Variants in EGLN2 observed in about 807,000 individuals in gnomAD.
EGLN2 encodes the protein prolyl hydroxylase EGLN2.
A neutral mutation model predicts 38.2 loss-of-function variants in EGLN2; 15 were observed. That is an observed-to-expected ratio of 0.39 (90% CI 0.26 to 0.60). The LOEUF (loss-of-function observed/expected upper bound fraction) is 0.60. EGLN2 is among the 20% of genes least tolerant of loss of function. The probability of loss-of-function intolerance (pLI) is 0.50; values close to 1 mark genes in which losing one functional copy is unlikely to be tolerated. For synonymous variants in EGLN2, 284 were observed against 237.4 expected (o/e 1.20, Z -1.81); for missense variants, 492 against 570.4 (o/e 0.86, Z 1.40).
In EGLN2 at chr19:40,800,907, C is replaced by T. The variant is rs959873173; in HGVS notation, c.335C>T (p.Ala112Val). The T allele has an allele frequency of 1.2e-6, 2 of 1,609,898 alleles. No homozygotes were observed. Among genetic ancestry groups the T allele is most frequent in the Non-Finnish European group, 8.5e-7 (1 of 1,178,566 alleles). The change falls in exon 2 of 6, where the codon GCA becomes GTA. Residue 112 changes from alanine (A) to valine (V), a missense_variant. Ala to Val is a moderately conservative substitution (Grantham distance 64, BLOSUM62 0). Transcript: ENST00000303961. ...KGCQRLAAQG[A>V]RPEAPKRKWA... ...TGCCAGCGATTGGCAGCCCAGGGCG[C>T]ACGGCCTGAGGCCCCCAAACGGAAA...
Position 40,806,535 on chromosome 19 carries a change from C to T in EGLN2, c.844-20C>T, listed in dbSNP as rs374018069. On this transcript the variant is annotated intron_variant, in intron 2 of 5. Coordinates refer to ENST00000303961, the MANE Select transcript of EGLN2 (RefSeq NM_080732.4). ...TGCCTGCCTAGCCCCAGTAAACCTA[C>T]CTCCCTCCATCCCTGCCAGGCCATG... The T allele has an allele frequency of 2.8e-5, 45 of 1,613,710 alleles. No individual in the cohort carries two copies. The highest frequency in any genetic ancestry group is 8.0e-5 in the African/African-American group (6 of 74,906).
chr19:40,801,112 C>G lies in EGLN2; in HGVS notation c.540C>G (p.Asp180Glu). ...CTGCGCCCGAGCGCCTGGCCCTGGA[C>G]TATATCGTGCCCTGCATGCGGTACT... ...LPSAPERLAL[D>E]YIVPCMRYYG... The change falls in exon 2 of 6, where the codon GAC becomes GAG. Residue 180 changes from aspartate to glutamate, a missense_variant. Asp to Glu is a conservative substitution (Grantham distance 45, BLOSUM62 2). Coordinates refer to ENST00000303961, the MANE Select transcript of EGLN2 (RefSeq NM_080732.4). The G allele has an allele frequency of 6.2e-7, 1 of 1,612,864 alleles. No homozygotes were observed. Among genetic ancestry groups the G allele is most frequent in the Non-Finnish European group, 8.5e-7 (1 of 1,179,936 alleles).
chr19:40,807,018 C>T lies in EGLN2; in HGVS notation c.964-120C>T, dbSNP rs567999478. 1.1e-5 allele frequency: 16 copies of T among 1,467,456 alleles called. 1 individual carries two copies. Among genetic ancestry groups the T allele is most frequent in the South Asian group, 1.0e-4 (8 of 78,806 alleles). The allele number at this position is 1,467,456 out of a possible 1,614,324, so 90.9% of individuals were successfully genotyped here. A position where few individuals can be genotyped will look rare whatever the true frequency, so the allele number is the denominator to read the frequency against. ...TGGGTTGTCATTCACTTTGAGAGCC[C>T]GAGGGGTGGGAGGGAGTGATGCAGG... On this transcript the variant is annotated intron_variant, in intron 3 of 5. Coordinates refer to ENST00000303961, the MANE Select transcript of EGLN2 (RefSeq NM_080732.4).
In EGLN2 at chr19:40,807,977, C is replaced by G; in HGVS notation, c.*113C>G. 2.8e-6 allele frequency: 3 copies of G among 1,075,300 alleles called. No homozygotes were observed. Among genetic ancestry groups the G allele is most frequent in the Non-Finnish European group, 4.2e-6 (3 of 722,874 alleles). 66.6% of individuals were successfully genotyped at this position (1,075,300 alleles called of 1,614,324 possible). On this transcript the variant is annotated 3_prime_UTR_variant, in exon 6 of 6. Transcript: ENST00000303961. The stretch of plus-strand genomic sequence containing the variant: ...CTGCTGCTTCTGACTTTGCCTCTGT[C>G]CTGCCTGGTGTGGAGGGCTCTGTCT...
intron 2 of EGLN2, among the ~76,000 whole-genome samples, chr19:40,802,636 C>A (rs908563145): frequency 1.3e-5 from 2 of 152,236 alleles, no homozygotes; most frequent in African/African-American, 4.8e-5. Context: ...GCTGCCTGTT[C>A]AGGAACCTGG....
chr19:40,807,828 C>G lies in EGLN2; in HGVS notation c.1188C>G (p.Val396=), dbSNP rs202046460. The G allele has an allele frequency of 2.2e-5, 35 of 1,614,180 alleles. No homozygotes were observed. Among genetic ancestry groups the G allele is most frequent in the South Asian group, 2.0e-4 (18 of 91,068 alleles). ...KYQLASGQKG[V]QVPVSQPPTP... is the part of the protein sequence containing the mutation. The stretch of plus-strand genomic sequence containing the variant: ...CCCCAGCATCAGGACAGAAAGGTGT[C>G]CAAGTACCTGTATCACAGCCGCCTA... Residue 396 remains valine, a synonymous_variant, in exon 6 of 6, where the codon GTC becomes GTG. Coordinates refer to ENST00000303961, the MANE Select transcript of EGLN2 (RefSeq NM_080732.4).
At chr19:40,800,225 A>C in intron 1 of EGLN2, 114 bp from the exon 2 acceptor site, 1 of 235,460 alleles carries the variant, frequency 4.2e-6, no homozygotes, top group East Asian at 9.1e-5. Flanking sequence ...GGGGGCCTCT[A>C]TAGTCAAGTC....
Position 40,802,118 on chromosome 19 carries a change from G to A in EGLN2, c.843+703G>A, listed in dbSNP as rs114901604. 2.1e-3 allele frequency among the ~76,000 whole-genome samples: 316 copies of A among 152,248 alleles called. 2 individuals are homozygous for A. The highest frequency in any genetic ancestry group is 7.3e-3 in the African/African-American group (302 of 41,544). ...GTGCTCCTGTCGTCCATCCCTGTTT[G>A]CTGGCCCATGTTTCTAGTCCATCCA... On this transcript the variant is annotated intron_variant, in intron 2 of 5. Coordinates refer to ENST00000303961, the MANE Select transcript of EGLN2 (RefSeq NM_080732.4).
chr19:40,802,903 T>C (rs967445063), intron 2 of EGLN2, among the ~76,000 whole-genome samples: 2 of 152,242 alleles, frequency 1.3e-5, no homozygotes, highest in African/African-American at 4.8e-5. Flanking sequence ...CCATCTTGGG[T>C]TCTGCTTCTG....
rs1309413071 is a variant in EGLN2, at chr19:40,807,836, C to T, written c.1196C>T (p.Pro399Leu). 6.2e-7 allele frequency: 1 copy of T among 1,614,052 alleles called. No individual in the cohort carries two copies. The highest frequency in any genetic ancestry group is 1.7e-5 in the Admixed American group (1 of 59,992). ...TCAGGACAGAAAGGTGTCCAAGTAC[C>T]TGTATCACAGCCGCCTACGCCCACC... ...LASGQKGVQV[P>L]VSQPPTPT Residue 399 changes from proline to leucine, a missense_variant, in exon 6 of 6, where the codon CCT (proline) becomes CTT (leucine). Coordinates refer to ENST00000303961, the MANE Select transcript of EGLN2 (RefSeq NM_080732.4).
Position 40,806,682 on chromosome 19 carries a change from T to C in EGLN2, c.963+8T>C. The C allele has an allele frequency of 6.2e-7, 1 of 1,611,018 alleles. No individual in the cohort carries two copies. Among genetic ancestry groups the C allele is most frequent in the Non-Finnish European group, 8.5e-7 (1 of 1,177,980 alleles). Reference sequence around the variant, plus strand: ...CAGAACTGGGACGTTAAGGTAGGGGTGAGGGTGAGGGTGAGGGTGGCGCTG... The same window carrying C: ...CAGAACTGGGACGTTAAGGTAGGGGCGAGGGTGAGGGTGAGGGTGGCGCTG... On this transcript the variant is annotated splice_region_variant and intron_variant, in intron 3 of 5. Coordinates refer to ENST00000303961, the MANE Select transcript of EGLN2 (RefSeq NM_080732.4).
At chr19:40,802,685 T>A (rs1445842592) in intron 2 of EGLN2, among the ~76,000 whole-genome samples, 1 of 152,248 alleles carries the variant, frequency 6.6e-6, no homozygotes, top group African/African-American at 2.4e-5. Flanking sequence ...CCATAGGGCC[T>A]TTCCGGGCTG....
chr19:40,801,436 C>T lies in EGLN2; in HGVS notation c.843+21C>T, dbSNP rs529005921. The stretch of plus-strand genomic sequence containing the variant: ...CCAAGGTAAGGCTAGGTGGGGGCCT[C>T]TTTGGAGGGGCTTTGCAGCACCCTG... On this transcript the variant is annotated intron_variant, in intron 2 of 5. Coordinates refer to ENST00000303961, the MANE Select transcript of EGLN2 (RefSeq NM_080732.4). The T allele has an allele frequency of 6.9e-6, 11 of 1,591,144 alleles. No homozygotes were observed. In the East Asian group the frequency reaches 2.5e-4, roughly 36 times the overall value.
rs768997902 is a variant in EGLN2, at chr19:40,801,000, A to G, written c.428A>G (p.Glu143Gly). ...KRPWARQENQEAEREGGMSCS... is the reference protein window; with the variant it reads ...KRPWARQENQGAEREGGMSCS... ...CCCTGGGCCAGGCAAGAGAACCAGG[A>G]GGCAGAGCGGGAGGGTGGCATGAGC... The change falls in exon 2 of 6, where the codon GAG (glutamate) becomes GGG (glycine). Residue 143 changes from glutamate to glycine, a missense_variant. Transcript: ENST00000303961. 8 of 1,612,874 alleles carry G rather than the reference A, an allele frequency of 5.0e-6. No homozygotes were observed. The Admixed American group carries it at 1.2e-4, about 24-fold the overall frequency.
At position 40,800,885 on chromosome 19, in the gene EGLN2, C is replaced by G. The variant is rs1245247749; in HGVS notation, c.313C>G (p.Gln105Glu). The G allele has an allele frequency of 1.2e-6, 2 of 1,610,520 alleles. No homozygotes were observed. Among genetic ancestry groups the G allele is most frequent in the Non-Finnish European group, 1.7e-6 (2 of 1,178,894 alleles). ...GAAALVTKGC[Q>E]RLAAQGARPE... The stretch of plus-strand genomic sequence containing the variant: ...TGCAGCGCTGGTCACCAAGGGGTGC[C>G]AGCGATTGGCAGCCCAGGGCGCACG... The change falls in exon 2 of 6, where the codon CAG (glutamine) becomes GAG (glutamate). Residue 105 changes from glutamine to glutamate, a missense_variant. Physicochemically the swap from Gln to Glu is conservative, Grantham distance 29 (BLOSUM62 2). Around this residue, in one of 2 missense-constraint regions of EGLN2, gnomAD observed 378 missense variants for 386.2 expected, o/e 0.98. Transcript: ENST00000303961.
Position 40,807,250 on chromosome 19 carries a change from A to G in EGLN2, c.1076A>G (p.Glu359Gly). The G allele has an allele frequency of 6.2e-7, 1 of 1,614,160 alleles. No individual in the cohort carries two copies. Among genetic ancestry groups the G allele is most frequent in the Non-Finnish European group, 8.5e-7 (1 of 1,180,008 alleles). Reference protein sequence around the residue: ...IFWSDRRNPHEVKPAYATRYA... With the variant: ...IFWSDRRNPHGVKPAYATRYA... ...TGGTCTGACCGGCGGAACCCCCACG[A>G]GGTGAAGCCAGCCTATGCCACCAGG... is the stretch of plus-strand genomic sequence containing the variant. Residue 359 changes from glutamate to glycine, a missense_variant, in exon 4 of 6, where the codon GAG becomes GGG. Physicochemically the swap from Glu to Gly is moderately conservative, Grantham distance 98. Transcript: ENST00000303961.
At position 40,808,421 on chromosome 19, in the gene EGLN2, C is replaced by G; in HGVS notation, c.*557C>G. On this transcript the variant is annotated 3_prime_UTR_variant, in exon 6 of 6. Coordinates refer to ENST00000303961, the MANE Select transcript of EGLN2 (RefSeq NM_080732.4). The stretch of plus-strand genomic sequence containing the variant: ...TGTCAGCCAAGAAATAAAAGTTTAC[C>G]TCAGAGCTGCACACATCTGACTCCA... The G allele has an allele frequency of 2.6e-6, 1 of 387,456 alleles. No homozygotes were observed. Among genetic ancestry groups the G allele is most frequent in the Non-Finnish European group, 4.6e-6 (1 of 217,810 alleles). 24.0% of individuals were successfully genotyped at this position (387,456 alleles called of 1,614,324 possible). A position where few individuals can be genotyped will look rare whatever the true frequency, so the allele number is the denominator to read the frequency against.
At position 40,800,949 on chromosome 19, in the gene EGLN2, G is replaced by C; in HGVS notation, c.377G>C (p.Gly126Ala). Residue 126 changes from glycine (G) to alanine (A), a missense_variant, in exon 2 of 6, where the codon GGG becomes GCG. Gly to Ala is a moderately conservative substitution (Grantham distance 60). Coordinates refer to ENST00000303961, the MANE Select transcript of EGLN2 (RefSeq NM_080732.4). ...AAACGGAAATGGGCCGAGGATGGTG[G>C]GGATGCCCCTTCACCCAGCAAACGG... ...APKRKWAEDG[G>A]DAPSPSKRPW... is the part of the protein sequence containing the mutation. 1 of 1,610,752 alleles carries C rather than the reference G, an allele frequency of 6.2e-7. No homozygotes were observed. Among genetic ancestry groups the C allele is most frequent in the South Asian group, 1.1e-5 (1 of 90,878 alleles).
intron 1 of EGLN2, chr19:40,799,865 T>C (rs565217116): frequency 6.6e-6 from 1 of 152,104 alleles, no homozygotes; most frequent in Non-Finnish European, 1.5e-5. Flanking sequence ...CTCGTTCTCT[T>C]TGTTTTTGGA....
Sources: allele counts gnomAD v4.1 joint callset (sites outside exome capture counted in the v4.1 genomes callset), GRCh38; gene constraint gnomAD v4.1.1; regional missense constraint gnomAD v4.1.1; transcripts MANE v1.5; gene names NCBI Gene and HGNC (gene_info 2026-07-23, HGNC 2026-07-21).